The following NEB variants were observed in gnomAD, a reference collection of about 807,000 sequenced individuals.
NEB encodes nebulin.
NEB carries 512 observed loss-of-function variants against 952.2 expected under a neutral mutation model. The ratio of observed to expected loss-of-function variants is 0.54; its 90% CI spans 0.50 to 0.58. NEB has a LOEUF of 0.58. NEB is among the 20% of genes least tolerant of loss of function. NEB has a pLI of 0.00. For missense variants in NEB, 8,428 were observed against 9,231.1 expected, an observed-to-expected ratio of 0.91 and a Z score of 3.56; for synonymous variants, 2,900 against 3,149.8, an observed-to-expected ratio of 0.92 and a Z score of 2.66.
intron 126 of NEB, 56 bp from the exon 127 acceptor site, chr2:151,553,558 AC>A: frequency 8.2e-7 from 1 of 1,217,554 alleles, no homozygotes; most frequent in Non-Finnish European, 1.2e-6. Context: ...AATAACTTTA[AC>A]ACTAAAAACA....
At chr2:151,548,517 C>A in intron 130 of NEB, 102 bp from the exon 131 acceptor site, 2 of 853,986 alleles carry the variant, frequency 2.3e-6, no homozygotes, top group South Asian at 1.5e-5. Context: ...TGAAAAATTG[C>A]TCTTTTTAAG....
intron 65 of NEB, among the ~76,000 whole-genome samples, chr2:151,632,367 C>T (rs373748568): frequency 3.2e-4 from 48 of 150,948 alleles, no homozygotes; most frequent in African/African-American, 9.2e-4. Context: ...TATTGCCCCA[C>T]AAATAACAAT....
In NEB at chr2:151,526,944, G is replaced by T; in HGVS notation, c.21919C>A (p.Leu7307Ile). The T allele has an allele frequency of 6.2e-7, 1 of 1,600,808 alleles. No homozygotes were observed. The highest frequency in any genetic ancestry group is 8.5e-7 in the Non-Finnish European group (1 of 1,172,518). Reference protein sequence around the residue: ...VTDDKNTVLALRNTLIESDLK... With the variant: ...VTDDKNTVLAIRNTLIESDLK... Reference sequence around the variant, plus strand: ...TCACTTTCTATTAAAGTATTCCTGAGGGCGAGCACCGTGTTTTTGTCATCA... The same window carrying T: ...TCACTTTCTATTAAAGTATTCCTGATGGCGAGCACCGTGTTTTTGTCATCA... Residue 7307 changes from leucine to isoleucine, a missense_variant, in exon 148 of 182, where the codon CTC becomes ATC. This residue lies in a region of NEB where 3,374 missense variants were observed against 3,651.5 expected (regional missense o/e 0.92). Transcript: ENST00000397345.
intron 148 of NEB, among the ~76,000 whole-genome samples, chr2:151,526,510 C>T (rs564320646): frequency 1.8e-4 from 27 of 152,280 alleles, no homozygotes; most frequent in African/African-American, 5.8e-4. Context: ...TCACAGCACG[C>T]TCAGATATGC....
At chr2:151,700,589 AAG>A (rs2099641174) in intron 13 of NEB, among the ~76,000 whole-genome samples, 1 of 50,368 alleles carries the variant, frequency 2.0e-5, no homozygotes, top group Non-Finnish European at 4.3e-5. Flanking sequence ...CATCCCTTGT[AAG>A]TTGGATTCCT....
intron 55 of NEB, among the ~76,000 whole-genome samples, chr2:151,644,849 T>C (rs1233260010): frequency 6.6e-6 from 1 of 152,196 alleles, no homozygotes; most frequent in Non-Finnish European, 1.5e-5. Flanking sequence ...AATGTATTGT[T>C]AGGTGATTTT....
chr2:151,505,678 G>T, intron 164 of NEB, 108 bp from the exon 165 acceptor site: 1 of 896,226 alleles, frequency 1.1e-6, no homozygotes, highest in Non-Finnish European at 1.8e-6. Flanking sequence ...AATTAACAGT[G>T]TAAATAACGC....
chr2:151,512,016 ACT>A (rs2074795476), intron 161 of NEB, among the ~76,000 whole-genome samples: 1 of 111,028 alleles, frequency 9.0e-6, no homozygotes, highest in Non-Finnish European at 1.8e-5. Flanking sequence ...TTACCCTCTC[ACT>A]CTTTTTTTTT....
chr2:151,509,127 T>C (rs1415882286), intron 161 of NEB, among the ~76,000 whole-genome samples: 1 of 152,194 alleles, frequency 6.6e-6, no homozygotes, highest in African/African-American at 2.4e-5. Context: ...ATTACATTTA[T>C]AAGTATTGAA....
intron 84 of NEB, 110 bp downstream of exon 84, chr2:151,606,496 T>A (rs1359294369): frequency 6.9e-6 from 4 of 581,532 alleles, no homozygotes; most frequent in African/African-American, 4.9e-5. Flanking sequence ...TAGCACAGGA[T>A]GAGATGAATT....
chr2:151,646,129 C>T lies in NEB; in HGVS notation c.7536+1G>A. 3 of 1,571,074 alleles carry T rather than the reference C, an allele frequency of 1.9e-6. No homozygotes were observed. The highest frequency in any genetic ancestry group is 2.6e-6 in the Non-Finnish European group (3 of 1,154,812). ...AACACATGCTGAATTTGAAAACTTA[C>T]ATCACTTGTGTTGATTAAGTTTGCT... On this transcript the variant is annotated splice_donor_variant, in intron 55 of 181. Coordinates refer to ENST00000397345, the MANE Select transcript of NEB (RefSeq NM_001164508.2). LOFTEE classifies it high-confidence loss of function.
intron 76 of NEB, 45 bp from the exon 77 acceptor site, chr2:151,614,632 T>C (rs763187916): frequency 6.5e-7 from 1 of 1,544,774 alleles, no homozygotes; most frequent in Non-Finnish European, 8.9e-7. Context: ...ACATCTTATA[T>C]AATCATGTTT....
At position 151,631,243 on chromosome 2, in the gene NEB, T is replaced by C; in HGVS notation, c.9518A>G (p.Asp3173Gly). ...GTCCGGAGGCTGGCGGTAGATGTTA[T>C]CACTCAGTATTTCGGTAGCTCTCTT... is the stretch of plus-strand genomic sequence containing the variant. The part of the protein sequence containing the change: ...KCKRATEILS[D>G]NIYRQPPDKL... Residue 3173 changes from aspartate to glycine, a missense_variant, in exon 66 of 182, where the codon GAT becomes GGT. This residue lies in a region of NEB where 1,772 missense variants were observed against 1,960.3 expected (regional missense o/e 0.90). Transcript: ENST00000397345. 2.5e-6 allele frequency: 4 copies of C among 1,613,942 alleles called. No homozygotes were observed. The highest frequency in any genetic ancestry group is 3.4e-6 in the Non-Finnish European group (4 of 1,179,870).
At chr2:151,647,846 C>A (rs1220066013) in intron 54 of NEB, among the ~76,000 whole-genome samples, 1 of 152,148 alleles carries the variant, frequency 6.6e-6, no homozygotes, top group East Asian at 1.9e-4. Flanking sequence ...AAAATATTTT[C>A]TTTTCTTATA....
chr2:151,525,099 A>G (rs1483655244), intron 151 of NEB, 64 bp downstream of exon 151: 1 of 1,117,924 alleles, frequency 8.9e-7, no homozygotes, highest in African/African-American at 1.5e-5. Flanking sequence ...GAACAAGAGA[A>G]TGCACCAATC....
rs1210833671 is a variant in NEB at position 151,662,350 on chromosome 2, G to C, written c.5764-9C>G. 6.5e-7 allele frequency: 1 copy of C among 1,538,256 alleles called. No homozygotes were observed. The highest frequency in any genetic ancestry group is 8.8e-7 in the Non-Finnish European group (1 of 1,138,468). On this transcript the variant is annotated splice_polypyrimidine_tract_variant and intron_variant, in intron 45 of 181. Coordinates refer to ENST00000397345, the MANE Select transcript of NEB (RefSeq NM_001164508.2). ...TCAGCCTTGTACTGATTCTGCAAAAGAGGAAAAATTAAATTATGAGAAGAA... is the reference window on the plus strand; with the variant it reads ...TCAGCCTTGTACTGATTCTGCAAAACAGGAAAAATTAAATTATGAGAAGAA...
chr2:151,669,236 T>A (rs28439679), intron 38 of NEB, 105 bp from the exon 39 acceptor site: 29,221 of 793,150 alleles, frequency 0.037, 771 homozygotes, highest in African/African-American at 0.091. Flanking sequence ...GTGTTTTCCA[T>A]TTACGAGACA....
intron 60 of NEB, among the ~76,000 whole-genome samples, chr2:151,641,075 C>T (rs2098840781): frequency 1.3e-5 from 2 of 152,034 alleles, no homozygotes; most frequent in Admixed American, 1.3e-4. Context: ...ATGTGTCAGG[C>T]ACAATTCTAG....
At position 151,490,420 on chromosome 2, in the gene NEB, G is replaced by C. The variant is rs1056576505; in HGVS notation, c.25249C>G (p.His8417Asp). 3 of 1,599,650 alleles carry C rather than the reference G, an allele frequency of 1.9e-6. No individual in the cohort carries two copies. The African/African-American group carries it at 4.0e-5, about 21-fold the overall frequency. ...CCGTCGCTGTAAGTCGAAAGGTGGT[G>C]GTCTGGTGCTTCTGAATGCTCAGAC... ...EKSEHSEAPDHHLSTYSDGGV... is the reference protein window; with the variant it reads ...EKSEHSEAPDDHLSTYSDGGV... Residue 8417 changes from histidine (H) to aspartate (D), a missense_variant, in exon 180 of 182, where the codon CAC becomes GAC. This residue lies in a region of NEB where 3,374 missense variants were observed against 3,651.5 expected (regional missense o/e 0.92). Transcript: ENST00000397345.
Sources: allele counts gnomAD v4.1 joint callset (sites outside exome capture counted in the v4.1 genomes callset), GRCh38; gene constraint gnomAD v4.1.1; regional missense constraint gnomAD v4.1.1; transcripts MANE v1.5; gene names NCBI Gene and HGNC (gene_info 2026-07-23, HGNC 2026-07-21).